Variants in FBXO21 observed in about 807,000 individuals in gnomAD.
FBXO21 encodes F-box protein 21.
Under a neutral mutation model 76.6 loss-of-function variants are expected in FBXO21, and 32 were observed. The observed-to-expected ratio is 0.42, with a 90% confidence interval of 0.32 to 0.56. FBXO21 has a LOEUF of 0.56. Ranked by LOEUF, FBXO21 falls within the 20% of genes least tolerant of loss-of-function variation. The pLI is 0.16. For synonymous variants in FBXO21, 328 were observed against 311.5 expected, an observed-to-expected ratio of 1.05 and a Z score of -0.56; for missense variants, 586 against 797.3, an observed-to-expected ratio of 0.73 and a Z score of 3.19.
intron 10 of FBXO21, among the ~76,000 whole-genome samples, chr12:117,157,198 GAAAAA>G (rs1030626424): frequency 3.3e-5 from 5 of 150,002 alleles, no homozygotes; most frequent in African/African-American, 1.2e-4. Flanking sequence ...AAAAAAAAAA[GAAAAA>G]AAGAAAAGAA....
At position 117,145,533 on chromosome 12, in the gene FBXO21, C is replaced by T. The variant is rs1245975143; in HGVS notation, c.*554G>A. 2.6e-5 allele frequency: 4 copies of T among 152,060 alleles called. No homozygotes were observed. The highest frequency in any genetic ancestry group is 9.7e-5 in the African/African-American group (4 of 41,408). The allele number at this position is 152,060 out of a possible 1,614,324, so 9.4% of individuals were successfully genotyped here. On this transcript the variant is annotated 3_prime_UTR_variant, in exon 12 of 12. Transcript: ENST00000622495. ...AAATAAATTCAAATGATTCTAATTA[C>T]CATTAGCTTGTTAATGTCTCCATCT...
intron 11 of FBXO21, among the ~76,000 whole-genome samples, chr12:117,152,376 G>A (rs568752859): frequency 6.6e-6 from 1 of 152,092 alleles, no homozygotes; most frequent in South Asian, 2.1e-4. Flanking sequence ...TGAGATAGGA[G>A]GATCAATTGA....
At position 117,144,573 on chromosome 12, in the gene FBXO21, A is replaced by G. The variant is rs558283915; in HGVS notation, c.*1514T>C. 1 of 152,360 alleles carries G rather than the reference A, an allele frequency of 6.6e-6. No homozygotes were observed. The highest frequency in any genetic ancestry group is 2.4e-5 in the African/African-American group (1 of 41,578). 9.4% of individuals were successfully genotyped at this position (152,360 alleles called of 1,614,324 possible). A position where few individuals can be genotyped will look rare whatever the true frequency, so the allele number is the denominator to read the frequency against. Reference sequence around the variant, plus strand: ...CAGCAGGCATTCAACATGGGTGAGAATACTGCATGCAGATGGACAGACAGG... The same window carrying G: ...CAGCAGGCATTCAACATGGGTGAGAGTACTGCATGCAGATGGACAGACAGG... On this transcript the variant is annotated 3_prime_UTR_variant, in exon 12 of 12. Coordinates refer to ENST00000622495, the MANE Select transcript of FBXO21 (RefSeq NM_015002.3).
Position 117,147,907 on chromosome 12 carries a change from C to T in FBXO21, c.1676-1630G>A, listed in dbSNP as rs138511521. On this transcript the variant is annotated intron_variant, in intron 11 of 11. Transcript: ENST00000622495. ...CACTCTGAAGCCATCCTTGGCACTG[C>T]CCATCACTCGAATGAACGCAAATGG... Among the ~76,000 whole-genome samples the T allele has an allele frequency of 7.0e-3, 1,067 of 152,326 alleles. 4 individuals are homozygous for T. Among genetic ancestry groups the T allele is most frequent in the Non-Finnish European group, 0.012 (840 of 68,036 alleles).
At chr12:117,166,772 A>G in intron 8 of FBXO21, 126 bp downstream of exon 8, 1 of 720,606 alleles carries the variant, frequency 1.4e-6, no homozygotes. Flanking sequence ...CAGTACTCGC[A>G]AAGAGAACTT....
Position 117,189,235 on chromosome 12 carries a change from A to T in FBXO21, c.367T>A (p.Ser123Thr), listed in dbSNP as rs1566011380. ...CATCAACAGATCCTTACGTGCTCTG[A>T]AAAGAACCTCTTTGAGAACGAGGCT... ...IVASFSKRFFSEHVPCNGFSD... is the reference protein window; with the variant it reads ...IVASFSKRFFTEHVPCNGFSD... Residue 123 changes from serine to threonine, a missense_variant, in exon 2 of 12, where the codon TCA becomes ACA. Coordinates refer to ENST00000622495, the MANE Select transcript of FBXO21 (RefSeq NM_015002.3). 6.2e-7 allele frequency: 1 copy of T among 1,614,200 alleles called. No individual in the cohort carries two copies. Among genetic ancestry groups the T allele is most frequent in the Non-Finnish European group, 8.5e-7 (1 of 1,180,028 alleles).
chr12:117,177,927 G>A (rs1592892528), intron 3 of FBXO21, among the ~76,000 whole-genome samples: 5 of 152,330 alleles, frequency 3.3e-5, no homozygotes, highest in Admixed American at 3.3e-4. Context: ...AGCTGGGGGA[G>A]GTTCAGAAGA....
chr12:117,165,393 T>C (rs1566000500), intron 9 of FBXO21, 92 bp downstream of exon 9: 28 of 1,280,750 alleles, frequency 2.2e-5, no homozygotes, highest in Middle Eastern at 2.9e-4. Context: ...TTATTCCCCA[T>C]GTTAACACAA....
At chr12:117,165,761 G>T in intron 8 of FBXO21, 144 bp from the exon 9 acceptor site, 3 of 710,406 alleles carry the variant, frequency 4.2e-6, no homozygotes, top group Non-Finnish European at 6.5e-6. Flanking sequence ...TCAACGAAGA[G>T]ATACAATGCT....
chr12:117,147,201 C>T (rs1485539511), intron 11 of FBXO21, among the ~76,000 whole-genome samples: 1 of 147,978 alleles, frequency 6.8e-6, no homozygotes, highest in Non-Finnish European at 1.5e-5. Context: ...GAGATTATGC[C>T]ATTGCACTCC....
At chr12:117,181,615 A>G (rs1026764234) in intron 3 of FBXO21, among the ~76,000 whole-genome samples, 1 of 151,512 alleles carries the variant, frequency 6.6e-6, no homozygotes, top group African/African-American at 2.4e-5. Flanking sequence ...CTATCTATCT[A>G]TCTATCTATC....
intron 6 of FBXO21, among the ~76,000 whole-genome samples, chr12:117,172,919 T>C (rs1042179705): frequency 1.3e-5 from 2 of 152,184 alleles, no homozygotes; most frequent in Non-Finnish European, 1.5e-5. Flanking sequence ...ATATATACAG[T>C]TTTGTTGGAC....
Position 117,184,536 on chromosome 12 carries a change from G to A in FBXO21, c.470+1941C>T, listed in dbSNP as rs139888642. ...TGGGAAGCCGAGACCAGCAGATCAC[G>A]TGACATCAGGAGTTTGAGACCAGCC... On this transcript the variant is annotated intron_variant, in intron 3 of 11. Transcript: ENST00000622495. Among the ~76,000 whole-genome samples the A allele has an allele frequency of 8.9e-3, 1,348 of 152,280 alleles. 10 individuals are homozygous for A. The highest frequency in any genetic ancestry group is 0.027 in the Middle Eastern group (8 of 294).
chr12:117,146,058 C>T lies in FBXO21; in HGVS notation c.*29G>A, dbSNP rs1281020640. On this transcript the variant is annotated 3_prime_UTR_variant, in exon 12 of 12. Coordinates refer to ENST00000622495, the MANE Select transcript of FBXO21 (RefSeq NM_015002.3). ...CCGTTCTCTTGGAAGATAGCAGCAG[C>T]AGCAAAGGTGCAATGTCCTCTCTAG... 7 of 1,516,442 alleles carry T rather than the reference C, an allele frequency of 4.6e-6. No homozygotes were observed. The highest frequency in any genetic ancestry group is 6.2e-6 in the Non-Finnish European group (7 of 1,129,216). 93.9% of individuals were successfully genotyped at this position (1,516,442 alleles called of 1,614,324 possible). A position where few individuals can be genotyped will look rare whatever the true frequency, so the allele number is the denominator to read the frequency against.
rs200476709 is a variant in FBXO21, at chr12:117,155,755, G to C, written c.1675+36C>G. On this transcript the variant is annotated intron_variant, in intron 11 of 11. Coordinates refer to ENST00000622495, the MANE Select transcript of FBXO21 (RefSeq NM_015002.3). ...TCAAACGTGCGCTGAAAACACGCCC[G>C]CGGGGCCACTGGCACAAGCGGAACC... 52 of 1,592,704 alleles carry C rather than the reference G, an allele frequency of 3.3e-5. No individual in the cohort carries two copies. The East Asian group carries it at 4.3e-4, about 13-fold the overall frequency.
intron 3 of FBXO21, among the ~76,000 whole-genome samples, chr12:117,178,563 C>G (rs1275652787): frequency 6.6e-6 from 1 of 152,066 alleles, no homozygotes; most frequent in Non-Finnish European, 1.5e-5. Context: ...TGAACTCTCG[C>G]CCCATTACCT....
chr12:117,160,462 T>C (rs1006968667), intron 9 of FBXO21, among the ~76,000 whole-genome samples: 1 of 152,200 alleles, frequency 6.6e-6, no homozygotes, highest in African/African-American at 2.4e-5. Context: ...CTGCACTCGA[T>C]GGCTTCAGGT....
In FBXO21 at chr12:117,174,632, A is replaced by G. The variant is rs761566450; in HGVS notation, c.739+19T>C. 2.9e-5 allele frequency: 46 copies of G among 1,612,944 alleles called. No homozygotes were observed. The highest frequency in any genetic ancestry group is 3.6e-5 in the Non-Finnish European group (43 of 1,179,462). ...GATTTTCTTTCATAAATACAGCTGG[A>G]TCCAAAGCAATGCCACACCTGCCTT... On this transcript the variant is annotated intron_variant, in intron 5 of 11. Transcript: ENST00000622495.
intron 11 of FBXO21, among the ~76,000 whole-genome samples, chr12:117,151,299 C>T (rs1955840200): frequency 6.6e-6 from 1 of 151,938 alleles, no homozygotes; most frequent in African/African-American, 2.4e-5. Context: ...CTTGTGGGAA[C>T]ACAACATTAC....
Sources: gnomAD v4.1 joint callset for allele counts (sites outside exome capture counted in the v4.1 genomes callset) on GRCh38, gnomAD v4.1.1 for gene constraint, MANE v1.5 for transcripts, NCBI Gene and HGNC (gene_info 2026-07-23, HGNC 2026-07-21) for gene names.